CACNA1C: variants seen among roughly 807,000 people sequenced by gnomAD.
CACNA1C encodes the protein voltage-dependent L-type calcium channel subunit alpha-1C.
Under a neutral mutation model 229.0 loss-of-function variants are expected in CACNA1C, and 30 were observed. The observed-to-expected ratio is 0.13, with a 90% CI of 0.10 to 0.18. CACNA1C has a LOEUF of 0.18. Ranked by LOEUF, CACNA1C falls within the 10% of genes least tolerant of loss-of-function variation. The pLI is 1.00. For missense variants in CACNA1C, 1,658 were observed against 2,845.0 expected (o/e 0.58, Z 9.49); for synonymous variants, 1,114 against 1,132.5 (o/e 0.98, Z 0.33).
intron 3 of CACNA1C, among the ~76,000 whole-genome samples, chr12:2,418,570 A>G (rs1199914794): frequency 6.6e-6 from 1 of 151,732 alleles, no homozygotes; most frequent in Non-Finnish European, 1.5e-5. Flanking sequence ...GAGGGCAGGA[A>G]GAGGAGGAAA....
At chr12:2,325,376 G>T (rs533461429) in intron 3 of CACNA1C, among the ~76,000 whole-genome samples, 2 of 152,376 alleles carry the variant, frequency 1.3e-5, no homozygotes, top group South Asian at 4.1e-4. Flanking sequence ...TGTTTTCACA[G>T]AGGCAACGTG....
chr12:2,430,554 C>G (rs144623906), intron 3 of CACNA1C, among the ~76,000 whole-genome samples: 6 of 151,254 alleles, frequency 4.0e-5, no homozygotes, highest in African/African-American at 7.4e-5. Context: ...CTGCCCACCC[C>G]TGACTCAGTC....
At chr12:2,331,972 AT>A (rs557455661) in intron 3 of CACNA1C, among the ~76,000 whole-genome samples, 1 of 152,098 alleles carries the variant, frequency 6.6e-6, no homozygotes, top group South Asian at 2.1e-4. Flanking sequence ...CTTTTATTAA[AT>A]TTTTTTTGGT....
Position 2,607,691 on chromosome 12 carries a change from C to T in CACNA1C, c.3356+561C>T, listed in dbSNP as rs113442303. Among the ~76,000 whole-genome samples, 843 of 152,374 alleles carry T rather than the reference C, an allele frequency of 5.5e-3. 13 individuals are homozygous for T. Among genetic ancestry groups the T allele is most frequent in the Non-Finnish European group, 3.1e-3 (212 of 68,038 alleles). On this transcript the variant is annotated intron_variant, in intron 26 of 46. Transcript: ENST00000399655. ...CGTAGAGCAGCCCGTGGGCCTTGCACGCTGCATCACCTCTACCAGGCAGCT... is the reference window on the plus strand; with the variant it reads ...CGTAGAGCAGCCCGTGGGCCTTGCATGCTGCATCACCTCTACCAGGCAGCT...
At chr12:2,158,119 G>C (rs1246738187) in intron 3 of CACNA1C, among the ~76,000 whole-genome samples, 3 of 152,168 alleles carry the variant, frequency 2.0e-5, no homozygotes, top group African/African-American at 7.2e-5. Context: ...CAAAAACAGA[G>C]GGGAGGAAAT....
intron 1 of CACNA1C, among the ~76,000 whole-genome samples, chr12:2,070,698 C>T (rs1433193703): frequency 6.6e-6 from 1 of 152,146 alleles, no homozygotes; most frequent in Non-Finnish European, 1.5e-5. Context: ...TAGTGTTACG[C>T]AGTTTTACAA....
intron 3 of CACNA1C, among the ~76,000 whole-genome samples, chr12:2,256,090 C>CGACCCTGA (rs142296568): frequency 7.7e-4 from 27 of 34,860 alleles, no homozygotes; most frequent in East Asian, 2.0e-3. Flanking sequence ...TACAATCACA[C>CGACCCTGA]CTCCTGTTTC....
intron 1 of CACNA1C, among the ~76,000 whole-genome samples, chr12:2,040,594 G>A (rs2049915889): frequency 6.6e-6 from 1 of 152,186 alleles, no homozygotes. Context: ...TTTTCAAATA[G>A]ACAATTAATT....
At chr12:2,681,575 G>C (rs1056708345) in intron 42 of CACNA1C, among the ~76,000 whole-genome samples, 2 of 152,160 alleles carry the variant, frequency 1.3e-5, no homozygotes, top group African/African-American at 4.8e-5. Flanking sequence ...CTGCTGCTCT[G>C]CGTCTCCAGC....
rs536306912 is a variant in CACNA1C, at chr12:2,640,537, C to T, written c.3912+6157C>T. Among the ~76,000 whole-genome samples the T allele has an allele frequency of 1.7e-4, 26 of 152,306 alleles. No homozygotes were observed. In the East Asian group the frequency reaches 4.5e-3, roughly 26 times the overall value. ...GGAACAGAAGGCAAACGCCAGGAGGCGCAGAGCAGCACCACTCCCTTTGCC... is the reference window on the plus strand; with the variant it reads ...GGAACAGAAGGCAAACGCCAGGAGGTGCAGAGCAGCACCACTCCCTTTGCC... On this transcript the variant is annotated intron_variant, in intron 30 of 46. Coordinates refer to ENST00000399655, the MANE Select transcript of CACNA1C (RefSeq NM_000719.7).
In CACNA1C at chr12:2,229,088, C is replaced by T. The variant is rs117899250; in HGVS notation, c.477+108658C>T. Among the ~76,000 whole-genome samples, 42 of 152,198 alleles carry T rather than the reference C, an allele frequency of 2.8e-4. 1 individual carries two copies. In the East Asian group the frequency reaches 5.4e-3, roughly 20 times the overall value. ...CTTAGGGGTGTGAGAACCAAGAGAA[C>T]GGTTGATTGGTGGAAAGAGCACAGG... On this transcript the variant is annotated intron_variant, in intron 3 of 46. Coordinates refer to ENST00000399655, the MANE Select transcript of CACNA1C (RefSeq NM_000719.7).
intron 34 of CACNA1C, among the ~76,000 whole-genome samples, chr12:2,655,919 A>C (rs1405662488): frequency 6.6e-6 from 1 of 152,250 alleles, no homozygotes; most frequent in Non-Finnish European, 1.5e-5. Context: ...AACTCTCAAC[A>C]AATTAGGCAT....
intron 1 of CACNA1C, among the ~76,000 whole-genome samples, chr12:2,017,569 G>A (rs2045603846): frequency 6.6e-6 from 1 of 152,004 alleles, no homozygotes; most frequent in African/African-American, 2.4e-5. Context: ...GAGATGGTCT[G>A]GCTACTTAGG....
chr12:2,256,674 G>A (rs1379934798), intron 3 of CACNA1C, among the ~76,000 whole-genome samples: 3 of 152,044 alleles, frequency 2.0e-5, no homozygotes, highest in African/African-American at 4.8e-5. Flanking sequence ...TGAGGACATC[G>A]GCAGGTCAGC....
At chr12:2,543,800 G>A (rs1384711452) in intron 9 of CACNA1C, among the ~76,000 whole-genome samples, 1 of 152,198 alleles carries the variant, frequency 6.6e-6, no homozygotes, top group Non-Finnish European at 1.5e-5. Context: ...TCAAATTCAG[G>A]TTCATAAAAT....
chr12:2,324,662 G>GC (rs750826402), intron 3 of CACNA1C, among the ~76,000 whole-genome samples: 1 of 152,232 alleles, frequency 6.6e-6, no homozygotes, highest in African/African-American at 2.4e-5. Context: ...AGGAAATAGG[G>GC]CAGGCTTGCT....
At chr12:1,993,485 CTT>C in intron 1 of CACNA1C, 1 of 1,492,988 alleles carries the variant, frequency 6.7e-7, no homozygotes. Flanking sequence ...GTCTCTCAAC[CTT>C]TGTTTGTATA....
chr12:2,117,003 T>A (rs1194397356), intron 2 of CACNA1C, among the ~76,000 whole-genome samples: 1 of 152,218 alleles, frequency 6.6e-6, no homozygotes, highest in Non-Finnish European at 1.5e-5. Context: ...GTGCGGTGGC[T>A]CACGCCTGTA....
chr12:2,444,080 C>T (rs1455561259), intron 3 of CACNA1C, among the ~76,000 whole-genome samples: 1 of 152,170 alleles, frequency 6.6e-6, no homozygotes, highest in African/African-American at 2.4e-5. Context: ...TCTCTGGGCC[C>T]TTCCAGTTCT....
Sources: allele counts gnomAD v4.1 joint callset (sites outside exome capture counted in the v4.1 genomes callset), GRCh38; gene constraint gnomAD v4.1.1; transcripts MANE v1.5; gene names NCBI Gene and HGNC (gene_info 2026-07-23, HGNC 2026-07-21).